Variants in SELENON observed in about 807,000 individuals in gnomAD.
SELENON encodes the protein selenoprotein N, also known as selenoprotein N, 1.
A neutral mutation model predicts 59.5 loss-of-function variants in SELENON; 44 were observed. The observed-to-expected ratio is 0.74, with a 90% CI of 0.58 to 0.95. The LOEUF (loss-of-function observed/expected upper bound fraction) is 0.95, where lower values mean the gene tolerates loss of function less well. Among genes scored for constraint, SELENON ranks in the 40% least tolerant of loss-of-function variants. The pLI is 0.00. For missense variants in SELENON, 674 were observed against 721.4 expected, an observed-to-expected ratio of 0.93 and a Z score of 0.75; for synonymous variants, 320 against 305.6, an observed-to-expected ratio of 1.05 and a Z score of -0.49.
At chr1:25,810,127 A>G (rs1376510671) in intron 7 of SELENON, among the ~76,000 whole-genome samples, 1 of 152,182 alleles carries the variant, frequency 6.6e-6, no homozygotes, top group Non-Finnish European at 1.5e-5. Context: ...CCCCAGGCAG[A>G]GCTGTAACCG....
At chr1:25,813,834 C>T (rs1218624271) in intron 10 of SELENON, 47 bp from the exon 10 acceptor site, 6 of 1,476,986 alleles carry the variant, frequency 4.1e-6, no homozygotes, top group African/African-American at 2.8e-5. Context: ...CAAGATTGCA[C>T]CCCAGCAAGA....
In SELENON at chr1:25,808,429, G is replaced by A. The variant is rs1466194550; in HGVS notation, c.538-151G>A. On this transcript the variant is annotated intron_variant, in intron 4 of 12. Coordinates refer to ENST00000361547, the MANE Select transcript of SELENON (RefSeq NM_020451.3). ...TCTGGCGGGATATTGCTAAGCTTGT[G>A]GCCATCATAAGGGCAGGAACCTCCC... 3.6e-6 allele frequency: 3 copies of A among 822,632 alleles called. 1 individual carries two copies. Among genetic ancestry groups the A allele is most frequent in the Non-Finnish European group, 6.1e-6 (3 of 492,210 alleles). The allele number at this position is 822,632 out of a possible 1,614,324, so 51.0% of individuals were successfully genotyped here.
In SELENON at chr1:25,807,283, A is replaced by G. The variant is rs374457122; in HGVS notation, c.538-1297A>G. On this transcript the variant is annotated intron_variant, in intron 4 of 12. Transcript: ENST00000361547. This position sits in a 1 kb window ranked among gnomAD's most constrained non-coding sequence, Gnocchi z 4.5. ...TAAGCTCCAAGAAGACAGGGTGCAC[A>G]GTGTACCCTGATAGAAACTTCCTAT... 4.8e-4 allele frequency among the ~76,000 whole-genome samples: 73 copies of G among 152,326 alleles called. No individual in the cohort carries two copies. In the East Asian group the frequency reaches 0.013, roughly 26 times the overall value.
chr1:25,804,662 CAAAAA>C (rs1415033674), intron 3 of SELENON, among the ~76,000 whole-genome samples: 1 of 100,332 alleles, frequency 1.0e-5, no homozygotes, highest in East Asian at 3.2e-4. Context: ...CCCCCCGCCG[CAAAAA>C]AAAAAAAAGC....
At chr1:25,815,032 C>T (rs2047998431) in intron 12 of SELENON, among the ~76,000 whole-genome samples, 1 of 151,640 alleles carries the variant, frequency 6.6e-6, no homozygotes, top group South Asian at 2.1e-4. Context: ...GAGAACCAGG[C>T]CTCCCATTCA....
intron 3 of SELENON, among the ~76,000 whole-genome samples, chr1:25,804,755 C>T (rs908301633): frequency 7.4e-5 from 11 of 149,306 alleles, no homozygotes; most frequent in Non-Finnish European, 1.3e-4. Context: ...TTTCTTGCTT[C>T]ATTCATTACT....
intron 8 of SELENON, 58 bp from the exon 8 acceptor site, chr1:25,811,633 C>G: frequency 1.3e-6 from 2 of 1,598,108 alleles, no homozygotes; most frequent in Non-Finnish European, 1.7e-6. Flanking sequence ...TCTAGGGGAG[C>G]CCCTGAGGAT....
At chr1:25,812,815 AG>A (rs1481953093) in intron 10 of SELENON, 23 bp downstream of exon 9, 1 of 1,572,562 alleles carries the variant, frequency 6.4e-7, no homozygotes, top group African/African-American at 1.3e-5. Flanking sequence ...GCTGGATCTA[AG>A]GGGAGCAGTG....
Position 25,811,671 on chromosome 1 carries a change from A to G in SELENON, c.1093-20A>G. 6.2e-7 allele frequency: 1 copy of G among 1,611,540 alleles called. No homozygotes were observed. Among genetic ancestry groups the G allele is most frequent in the Non-Finnish European group, 8.5e-7 (1 of 1,178,740 alleles). On this transcript the variant is annotated intron_variant, in intron 8 of 12. Coordinates refer to ENST00000361547, the MANE Select transcript of SELENON (RefSeq NM_020451.3). The stretch of plus-strand genomic sequence containing the variant: ...TTGCCCATCTCTGAGCCTTCCCCCT[A>G]CCACTGACCTCTGGCCCAGATGGAG...
At position 25,811,428 on chromosome 1, in the gene SELENON, G is replaced by T. The variant is rs376412954; in HGVS notation, c.1011-26G>T. On this transcript the variant is annotated intron_variant, in intron 7 of 12. Coordinates refer to ENST00000361547, the MANE Select transcript of SELENON (RefSeq NM_020451.3). Reference sequence around the variant, plus strand: ...ACACAGATAATGGGCTTTGATGATGGTGTCACTCTGCCCTGGCCATCCCAG... The same window carrying T: ...ACACAGATAATGGGCTTTGATGATGTTGTCACTCTGCCCTGGCCATCCCAG... The T allele has an allele frequency of 9.7e-5, 155 of 1,594,100 alleles. 3 individuals are homozygous for T. In the South Asian group the frequency reaches 1.6e-3, roughly 16 times the overall value.
rs2047916105 is a variant in SELENON, at chr1:25,807,295, T to C, written c.538-1285T>C. Among the ~76,000 whole-genome samples, 1 of 152,154 alleles carries C rather than the reference T, an allele frequency of 6.6e-6. No individual in the cohort carries two copies. Among genetic ancestry groups the C allele is most frequent in the Non-Finnish European group, 1.5e-5 (1 of 68,024 alleles). On this transcript the variant is annotated intron_variant, in intron 4 of 12. Transcript: ENST00000361547. The surrounding 1 kb of genome is among the most constrained non-coding windows in gnomAD (Gnocchi z 4.5). The stretch of plus-strand genomic sequence containing the variant: ...AGACAGGGTGCACAGTGTACCCTGA[T>C]AGAAACTTCCTATACAGTAGGTGCA...
In SELENON at chr1:25,809,680, C is replaced by T; in HGVS notation, c.873-3C>T. The T allele has an allele frequency of 6.2e-7, 1 of 1,613,846 alleles. No homozygotes were observed. The highest frequency in any genetic ancestry group is 8.5e-7 in the Non-Finnish European group (1 of 1,180,034). ...CTGGTGCAGCAGATCCCCTTCCCCACAGGATCCATGCCGAGTTCCAGCTCA... is the reference window on the plus strand; with the variant it reads ...CTGGTGCAGCAGATCCCCTTCCCCATAGGATCCATGCCGAGTTCCAGCTCA... On this transcript the variant is annotated splice_polypyrimidine_tract_variant and splice_region_variant and intron_variant, in intron 6 of 12. Transcript: ENST00000361547.
intron 3 of SELENON, chr1:25,802,151 C>T: frequency 4.5e-6 from 1 of 224,362 alleles, no homozygotes; most frequent in Non-Finnish European, 9.3e-6. Context: ...CTACCACGCC[C>T]AGCTGATTTT....
In SELENON at chr1:25,802,164, T is replaced by A. The variant is rs886038658; in HGVS notation, c.403+47T>A. The A allele has an allele frequency of 9.1e-6, 2 of 219,966 alleles. No individual in the cohort carries two copies. 13.6% of individuals were successfully genotyped at this position (219,966 alleles called of 1,614,324 possible). A position where few individuals can be genotyped will look rare whatever the true frequency, so the allele number is the denominator to read the frequency against. On this transcript the variant is annotated intron_variant, in intron 3 of 12. Coordinates refer to ENST00000361547, the MANE Select transcript of SELENON (RefSeq NM_020451.3). ...TGCTACCACGCCCAGCTGATTTTTC[T>A]ATTTTTGTAGAGATGCAGTCTCACT... is the stretch of plus-strand genomic sequence containing the variant.
Position 25,809,092 on chromosome 1 carries a change from CAG to C in SELENON, c.815_816del (p.Gln272ArgfsTer?). The C allele has an allele frequency of 6.2e-7, 1 of 1,613,856 alleles. No individual in the cohort carries two copies. The highest frequency in any genetic ancestry group is 8.5e-7 in the Non-Finnish European group (1 of 1,180,034). ...CTTTGTGAAGACCCGCTTTGCCCCT[CAG>C]GGAGCTGTGGCCTGCCTGACTGCCA... On this transcript the variant is annotated frameshift_variant, in exon 6 of 13. Transcript: ENST00000361547. LOFTEE classifies it high-confidence loss of function.
intron 1 of SELENON, 73 bp downstream of exon 1, chr1:25,800,486 G>T (rs936312442): frequency 3.5e-6 from 3 of 853,900 alleles, no homozygotes; most frequent in Non-Finnish European, 2.9e-6. Flanking sequence ...CAGCAGGGGG[G>T]ACATGGGCAT....
intron 9 of SELENON, among the ~76,000 whole-genome samples, chr1:25,812,478 CACATAT>C (rs2047970818): frequency 1.4e-5 from 2 of 144,678 alleles, no homozygotes; most frequent in East Asian, 3.9e-4. Context: ...CACACATACA[CACATAT>C]ACAAACATAC....
intron 3 of SELENON, among the ~76,000 whole-genome samples, chr1:25,804,549 A>G (rs1188441532): frequency 2.0e-5 from 3 of 150,626 alleles, no homozygotes; most frequent in African/African-American, 7.4e-5. Context: ...AAGGTTATAG[A>G]CTTGCCAGAT....
chr1:25,809,551 G>C (rs1557430792), intron 6 of SELENON, 132 bp from the exon 6 acceptor site: 2 of 1,298,578 alleles, frequency 1.5e-6, no homozygotes, highest in Non-Finnish European at 2.2e-6. Context: ...GGAGAGCCTC[G>C]CTGCTGCCCA....
Sources: gnomAD v4.1 joint callset for allele counts (sites outside exome capture counted in the v4.1 genomes callset) on GRCh38, gnomAD v4.1.1 for gene constraint, Gnocchi (gnomAD v3.1) non-coding constraint, MANE v1.5 for transcripts, NCBI Gene and HGNC (gene_info 2026-07-23, HGNC 2026-07-21) for gene names.